Variants in PTPRQ observed in about 807,000 individuals in gnomAD.
PTPRQ encodes the protein protein tyrosine phosphatase receptor type Q, also known as phosphatidylinositol phosphatase PTPRQ.
In PTPRQ, 199 loss-of-function variants were observed where a neutral mutation model predicts 246.0. The ratio of observed to expected loss-of-function variants is 0.81; its 90% CI spans 0.72 to 0.91. The LOEUF is 0.91. PTPRQ is among the 40% of genes least tolerant of loss of function. The pLI is 0.00. For synonymous variants in PTPRQ, 869 were observed against 853.2 expected, an observed-to-expected ratio of 1.02 and a Z score of -0.32; for missense variants, 2,624 against 2,528.4, an observed-to-expected ratio of 1.04 and a Z score of -0.81.
Position 80,619,553 on chromosome 12 carries a change from A to G in PTPRQ, c.5389+11A>G, listed in dbSNP as rs1168927922. On this transcript the variant is annotated intron_variant, in intron 31 of 44. Transcript: ENST00000644991. ...TGACAGAAACAGGAGGTATCATCAC[A>G]TGTCAATTTATCTTGTTAAATTGTG... is the stretch of plus-strand genomic sequence containing the variant. 11 of 1,506,272 alleles carry G rather than the reference A, an allele frequency of 7.3e-6. No individual in the cohort carries two copies. Among genetic ancestry groups the G allele is most frequent in the Non-Finnish European group, 9.8e-6 (11 of 1,122,096 alleles). The allele number at this position is 1,506,272 out of a possible 1,614,324, so 93.3% of individuals were successfully genotyped here.
intron 26 of PTPRQ, among the ~76,000 whole-genome samples, chr12:80,593,324 T>C (rs1337721619): frequency 6.6e-6 from 1 of 152,134 alleles, no homozygotes; most frequent in Non-Finnish European, 1.5e-5. Context: ...GTTTCTACAA[T>C]GGATTATATA....
Position 80,534,066 on chromosome 12 carries a change from A to T in PTPRQ, c.2730A>T (p.Leu910Phe). 1 of 1,535,040 alleles carries T rather than the reference A, an allele frequency of 6.5e-7. No individual in the cohort carries two copies. The highest frequency in any genetic ancestry group is 1.3e-5 in the South Asian group (1 of 79,252). ...ATGTCACTGAAACATCATTGGAGTT[A>T]TCAGATTTGGATTATAATGTTGAAT... ...TINVTETSLE[L>F]SDLDYNVEYS... Residue 910 changes from leucine to phenylalanine, a missense_variant, in exon 18 of 45, where the codon TTA becomes TTT. Coordinates refer to ENST00000644991, the MANE Select transcript of PTPRQ (RefSeq NM_001145026.2).
At chr12:80,671,706 T>C (rs1053110104) in intron 42 of PTPRQ, among the ~76,000 whole-genome samples, 8 of 152,084 alleles carry the variant, frequency 5.3e-5, no homozygotes, top group African/African-American at 1.7e-4. Flanking sequence ...AAATTTGATG[T>C]GTACAAAACA....
At chr12:80,646,560 C>T (rs1715001044) in intron 35 of PTPRQ, among the ~76,000 whole-genome samples, 1 of 152,144 alleles carries the variant, frequency 6.6e-6, no homozygotes, top group South Asian at 2.1e-4. Context: ...GGAATATTTA[C>T]CCTCCGATGC....
intron 17 of PTPRQ, among the ~76,000 whole-genome samples, chr12:80,512,195 T>C (rs1895145466): frequency 6.6e-6 from 1 of 152,176 alleles, no homozygotes; most frequent in Non-Finnish European, 1.5e-5. Flanking sequence ...AGAAAAAAAT[T>C]TAAATGAAAC....
In PTPRQ at chr12:80,654,031, CT is replaced by C. The variant is rs959148491; in HGVS notation, c.6115+1205del. On this transcript the variant is annotated intron_variant, in intron 38 of 44. Transcript: ENST00000644991. ...TCTTTCTTTCTTTTTTTCTTTCTTT[CT>C]TTTTTTTCTTTCTTTCTTTTCTTTC... 4.7e-5 allele frequency among the ~76,000 whole-genome samples: 7 copies of C among 149,956 alleles called. No individual in the cohort carries two copies. The East Asian group carries it at 7.7e-4, about 17-fold the overall frequency.
chr12:80,524,698 C>G (rs141467056), intron 17 of PTPRQ, among the ~76,000 whole-genome samples: 7 of 152,060 alleles, frequency 4.6e-5, no homozygotes, highest in African/African-American at 1.7e-4. Flanking sequence ...ACAAATGTTT[C>G]TTACATATTT....
At chr12:80,505,089 A>G (rs10862151) in intron 14 of PTPRQ, among the ~76,000 whole-genome samples, 48,669 of 151,164 alleles carry the variant, frequency 0.32, 9,056 homozygotes, top group African/African-American at 0.51. Context: ...CAGGGATATC[A>G]CTCATCTTTC....
At chr12:80,677,332 A>G (rs1259799936) in intron 43 of PTPRQ, among the ~76,000 whole-genome samples, 2 of 152,218 alleles carry the variant, frequency 1.3e-5, no homozygotes, top group Non-Finnish European at 2.9e-5. Context: ...TAGCAATTTC[A>G]GTAGAAATTT....
chr12:80,495,481 T>A, intron 12 of PTPRQ, 110 bp downstream of exon 12: 1 of 1,312,774 alleles, frequency 7.6e-7, no homozygotes, highest in Non-Finnish European at 9.9e-7. Flanking sequence ...ACATGCTATG[T>A]CACTTCATAT....
At chr12:80,451,211 G>A (rs1173693560) in intron 3 of PTPRQ, among the ~76,000 whole-genome samples, 2 of 150,798 alleles carry the variant, frequency 1.3e-5, no homozygotes, top group African/African-American at 4.9e-5. Context: ...ATTTCTGTGG[G>A]ATCAGTGGTA....
intron 17 of PTPRQ, among the ~76,000 whole-genome samples, chr12:80,514,052 G>T (rs1312872948): frequency 6.6e-6 from 1 of 152,030 alleles, no homozygotes; most frequent in African/African-American, 2.4e-5. Context: ...TTTACACTGG[G>T]ATTTCTCTCC....
intron 28 of PTPRQ, among the ~76,000 whole-genome samples, chr12:80,611,216 A>G (rs1205944305): frequency 6.7e-6 from 1 of 150,370 alleles, no homozygotes; most frequent in African/African-American, 2.4e-5. Flanking sequence ...ATTGTAACCA[A>G]TAAGAAATAA....
At chr12:80,668,562 G>A (rs1382418967) in intron 39 of PTPRQ, among the ~76,000 whole-genome samples, 1 of 151,772 alleles carries the variant, frequency 6.6e-6, no homozygotes, top group East Asian at 1.9e-4. Flanking sequence ...GGCTCAACCT[G>A]CCTTACCAAT....
intron 3 of PTPRQ, among the ~76,000 whole-genome samples, chr12:80,450,338 C>T (rs911556206): frequency 5.9e-5 from 9 of 152,162 alleles, no homozygotes; most frequent in Non-Finnish European, 8.8e-5. Context: ...GACAATTTGA[C>T]TTCCTCTTTT....
At chr12:80,483,077 G>T (rs1229991578) in intron 8 of PTPRQ, among the ~76,000 whole-genome samples, 11 of 122,638 alleles carry the variant, frequency 9.0e-5, no homozygotes, top group African/African-American at 3.8e-4. Context: ...ACATGCACAC[G>T]TATGTTTATT....
At chr12:80,489,999 G>A (rs950573016) in intron 9 of PTPRQ, among the ~76,000 whole-genome samples, 12 of 152,036 alleles carry the variant, frequency 7.9e-5, no homozygotes, top group African/African-American at 2.9e-4. Context: ...AGAAAGTCTT[G>A]TGCTAAGGGC....
In PTPRQ at chr12:80,669,363, G is replaced by A; in HGVS notation, c.6352G>A (p.Glu2118Lys). Reference sequence around the variant, plus strand: ...GATCAGATGCCATCAGTATTGGCCAGAGGACAACAAGCCAGTTACTGTCTT... The same window carrying A: ...GATCAGATGCCATCAGTATTGGCCAAAGGACAACAAGCCAGTTACTGTCTT... The part of the protein sequence containing the change: ...GRIRCHQYWP[E>K]DNKPVTVFGD... The change falls in exon 41 of 45, where the codon GAG becomes AAG. Residue 2118 changes from glutamate (E) to lysine (K), a missense_variant. Coordinates refer to ENST00000644991, the MANE Select transcript of PTPRQ (RefSeq NM_001145026.2). 1 of 1,549,614 alleles carries A rather than the reference G, an allele frequency of 6.5e-7. No individual in the cohort carries two copies. Among genetic ancestry groups the A allele is most frequent in the Non-Finnish European group, 8.7e-7 (1 of 1,145,964 alleles).
chr12:80,585,601 T>C (rs879764774), intron 25 of PTPRQ, among the ~76,000 whole-genome samples: 12 of 152,180 alleles, frequency 7.9e-5, no homozygotes, highest in South Asian at 2.1e-4. Flanking sequence ...CACTCAGTCC[T>C]TCTTGTTATT....
Sources: gnomAD v4.1 joint callset for allele counts (sites outside exome capture counted in the v4.1 genomes callset) on GRCh38, gnomAD v4.1.1 for gene constraint, MANE v1.5 for transcripts, NCBI Gene and HGNC (gene_info 2026-07-23, HGNC 2026-07-21) for gene names.